CYP7B1: variants seen among roughly 807,000 people sequenced by gnomAD.
The protein encoded by CYP7B1 is cytochrome P450 family 7 subfamily B member 1.
In CYP7B1, 29 loss-of-function variants were observed where a neutral mutation model predicts 42.7. The ratio of observed to expected loss-of-function variants is 0.68; its 90% CI spans 0.51 to 0.93. The LOEUF (loss-of-function observed/expected upper bound fraction) is 0.93, where lower values mean the gene tolerates loss of function less well. Among genes scored for constraint, CYP7B1 ranks in the 40% least tolerant of loss-of-function variants. CYP7B1 has a pLI of 0.00. For missense variants in CYP7B1, 655 were observed against 600.5 expected (o/e 1.09, Z -0.95); for synonymous variants, 235 against 218.2 (o/e 1.08, Z -0.68).
intron 2 of CYP7B1, among the ~76,000 whole-genome samples, chr8:64,617,180 A>G (rs1379660617): frequency 6.6e-6 from 1 of 152,130 alleles, no homozygotes; most frequent in Non-Finnish European, 1.5e-5. Flanking sequence ...TGTTGCCCAA[A>G]CTTATCAATT....
intron 1 of CYP7B1, among the ~76,000 whole-genome samples, chr8:64,783,541 CT>C (rs34281051): frequency 0.087 from 12,364 of 142,740 alleles, 698 homozygotes; most frequent in South Asian, 0.17. Context: ...TTCCATACTA[CT>C]TTTTTTTTTT....
At chr8:64,780,791 T>C (rs1193017914) in intron 1 of CYP7B1, among the ~76,000 whole-genome samples, 1 of 152,134 alleles carries the variant, frequency 6.6e-6, no homozygotes, top group East Asian at 1.9e-4. Flanking sequence ...CTATTATTTT[T>C]GGGAAATCGG....
intron 1 of CYP7B1, among the ~76,000 whole-genome samples, chr8:64,757,089 T>C (rs774398066): frequency 2.6e-5 from 4 of 152,222 alleles, no homozygotes; most frequent in African/African-American, 4.8e-5. Flanking sequence ...AGCTCAAGCA[T>C]TGGCCAAACA....
At chr8:64,637,844 C>T (rs1805796225) in intron 1 of CYP7B1, among the ~76,000 whole-genome samples, 1 of 152,064 alleles carries the variant, frequency 6.6e-6, no homozygotes, top group South Asian at 2.1e-4. Context: ...TATCAATTTC[C>T]TTCAGTGCTC....
At chr8:64,774,021 T>C (rs994797283) in intron 1 of CYP7B1, among the ~76,000 whole-genome samples, 14 of 152,194 alleles carry the variant, frequency 9.2e-5, no homozygotes, top group African/African-American at 3.1e-4. Context: ...ATTCAAACCA[T>C]AGCACCTAGT....
intron 1 of CYP7B1, among the ~76,000 whole-genome samples, chr8:64,739,941 A>C (rs957167245): frequency 2.0e-5 from 3 of 152,192 alleles, no homozygotes; most frequent in Non-Finnish European, 4.4e-5. Flanking sequence ...TTCAAAACTG[A>C]AAGAGATATA....
chr8:64,739,794 A>C (rs1473158104), intron 1 of CYP7B1, among the ~76,000 whole-genome samples: 2 of 152,212 alleles, frequency 1.3e-5, no homozygotes, highest in African/African-American at 4.8e-5. Flanking sequence ...AGATTAGAGA[A>C]AATCTTGAAA....
intron 1 of CYP7B1, among the ~76,000 whole-genome samples, chr8:64,738,529 C>T (rs1330230338): frequency 1.3e-5 from 2 of 151,734 alleles, no homozygotes; most frequent in African/African-American, 4.8e-5. Flanking sequence ...GAATATAATA[C>T]AAGAAAACAC....
intron 1 of CYP7B1, among the ~76,000 whole-genome samples, chr8:64,752,994 C>T (rs181760226): frequency 2.2e-4 from 33 of 152,274 alleles, no homozygotes; most frequent in Middle Eastern, 3.4e-3. Flanking sequence ...TACACACACA[C>T]ACACAATTAA....
chr8:64,756,357 T>C (rs912840947), intron 1 of CYP7B1, among the ~76,000 whole-genome samples: 1 of 152,240 alleles, frequency 6.6e-6, no homozygotes. Flanking sequence ...GACAAGCATG[T>C]CAACATGCAA....
chr8:64,629,373 C>T (rs545181566), intron 1 of CYP7B1, among the ~76,000 whole-genome samples: 7 of 152,162 alleles, frequency 4.6e-5, no homozygotes, highest in Admixed American at 1.3e-4. Context: ...GGTGAGCAAC[C>T]TTTATACATG....
intron 1 of CYP7B1, among the ~76,000 whole-genome samples, chr8:64,679,994 A>G (rs1806511531): frequency 1.3e-5 from 2 of 152,104 alleles, no homozygotes; most frequent in African/African-American, 4.8e-5. Flanking sequence ...CCTATGTTGC[A>G]GGGTATATCT....
intron 1 of CYP7B1, among the ~76,000 whole-genome samples, chr8:64,627,217 T>A (rs1805621797): frequency 6.6e-6 from 1 of 152,222 alleles, no homozygotes; most frequent in Admixed American, 6.5e-5. Context: ...CATTATTTTC[T>A]TGAATGCAGG....
At chr8:64,671,888 A>G (rs1352955959) in intron 1 of CYP7B1, among the ~76,000 whole-genome samples, 1 of 152,136 alleles carries the variant, frequency 6.6e-6, no homozygotes, top group Non-Finnish European at 1.5e-5. Context: ...CTTAAATAAC[A>G]TCACTAGTCA....
intron 3 of CYP7B1, 91 bp from the exon 4 acceptor site, chr8:64,615,323 AC>A: frequency 7.5e-7 from 1 of 1,334,132 alleles, no homozygotes; most frequent in Non-Finnish European, 1.1e-6. Flanking sequence ...TAGGACACAG[AC>A]CCAGCCAAGG....
In CYP7B1 at chr8:64,598,823, G is replaced by C. The variant is rs143194970; in HGVS notation, c.1234-1894C>G. ...CAATTTTCTCATAGTAAACATCTTAGAAATTCCTATTCGGTTGTTTATTTT... is the reference window on the plus strand; with the variant it reads ...CAATTTTCTCATAGTAAACATCTTACAAATTCCTATTCGGTTGTTTATTTT... On this transcript the variant is annotated intron_variant, in intron 5 of 5. Coordinates refer to ENST00000310193, the MANE Select transcript of CYP7B1 (RefSeq NM_004820.5). Among the ~76,000 whole-genome samples, 12 of 152,280 alleles carry C rather than the reference G, an allele frequency of 7.9e-5. No homozygotes were observed. The East Asian group carries it at 1.5e-3, about 20-fold the overall frequency.
chr8:64,752,028 AAT>A (rs1807733623), intron 1 of CYP7B1, among the ~76,000 whole-genome samples: 1 of 152,152 alleles, frequency 6.6e-6, no homozygotes, highest in African/African-American at 2.4e-5. Context: ...TATTCTTATG[AAT>A]ATGTTTGTTC....
chr8:64,778,527 CTCT>C, intron 1 of CYP7B1, among the ~76,000 whole-genome samples: 1 of 152,112 alleles, frequency 6.6e-6, no homozygotes, highest in African/African-American at 2.4e-5. Context: ...AATGCTGCTA[CTCT>C]AAGTGCAATA....
At chr8:64,659,466 C>A (rs933906752) in intron 1 of CYP7B1, among the ~76,000 whole-genome samples, 2 of 152,040 alleles carry the variant, frequency 1.3e-5, no homozygotes, top group Non-Finnish European at 2.9e-5. Flanking sequence ...ACAACATATA[C>A]AATGCTCTTA....
Sources: gnomAD v4.1 joint callset for allele counts (sites outside exome capture counted in the v4.1 genomes callset) on GRCh38, gnomAD v4.1.1 for gene constraint, MANE v1.5 for transcripts, NCBI Gene and HGNC (gene_info 2026-07-23, HGNC 2026-07-21) for gene names.